The following FAM209B variants were observed in gnomAD, a reference collection of about 807,000 sequenced individuals.
The protein encoded by FAM209B is protein FAM209B.
In FAM209B, 8 loss-of-function variants were observed where a neutral mutation model predicts 8.9. That is an observed-to-expected ratio of 0.90 (90% confidence interval 0.53 to 1.62). The LOEUF (loss-of-function observed/expected upper bound fraction) is 1.62. Ranked by LOEUF, FAM209B falls within the 40% of genes most tolerant of loss-of-function variation. The probability of loss-of-function intolerance (pLI) is 0.00; values close to 1 mark genes in which losing one functional copy is unlikely to be tolerated. For missense variants in FAM209B, 175 were observed against 205.3 expected (o/e 0.85, Z 0.90); for synonymous variants, 67 against 75.0 (o/e 0.89, Z 0.55).
Position 56,536,403 on chromosome 20 carries a change from A to C in FAM209B, c.481A>C (p.Ile161Leu), listed in dbSNP as rs772553858. ...GCCTGCAGATCCATACCATGTCACA[A>C]TCTGTAAAATATGGGGAGAAGAAAG... ...EMPADPYHVT[I>L]CKIWGEESSS is the part of the protein sequence containing the mutation. Residue 161 changes from isoleucine (I) to leucine (L), a missense_variant, in exon 2 of 2, where the codon ATC (isoleucine) becomes CTC (leucine). Physicochemically the swap from Ile to Leu is conservative, Grantham distance 5. Transcript: ENST00000371325. The C allele has an allele frequency of 6.2e-7, 1 of 1,609,108 alleles. No homozygotes were observed. Among genetic ancestry groups the C allele is most frequent in the East Asian group, 2.2e-5 (1 of 44,802 alleles).
At chr20:56,536,137 A>C in intron 1 of FAM209B, 35 bp from the exon 2 acceptor site, 1 of 1,496,904 alleles carries the variant, frequency 6.7e-7, no homozygotes, top group Non-Finnish European at 8.9e-7. Flanking sequence ...AGCAAAGTCC[A>C]TGATATTATT....
intron 1 of FAM209B, among the ~76,000 whole-genome samples, chr20:56,534,305 G>T (rs1356813807): frequency 6.6e-6 from 1 of 151,964 alleles, no homozygotes; most frequent in East Asian, 1.9e-4. Context: ...AACAAAATAT[G>T]AAACTTCTGT....
rs765535517 is a variant in FAM209B at position 56,536,467 on chromosome 20, G to A, written c.*29G>A. 1 of 1,541,708 alleles carries A rather than the reference G, an allele frequency of 6.5e-7. No homozygotes were observed. Among genetic ancestry groups the A allele is most frequent in the Non-Finnish European group, 8.7e-7 (1 of 1,144,342 alleles). On this transcript the variant is annotated 3_prime_UTR_variant, in exon 2 of 2. Transcript: ENST00000371325. Reference sequence around the variant, plus strand: ...GATTTGTGTGTCAGGAGAGAAAAAAGTTGAGTGTTGACAAACTGTATGCAA... The same window carrying A: ...GATTTGTGTGTCAGGAGAGAAAAAAATTGAGTGTTGACAAACTGTATGCAA...
Position 56,533,431 on chromosome 20 carries a change from C to T in FAM209B, c.90C>T (p.Ser30=), listed in dbSNP as rs780571480. ...TCTCTTCTCTGAGACAGAAAACTAG[C>T]GAACCCCAGGGGAAGGTGCCGTGTG... is the stretch of plus-strand genomic sequence containing the variant. ...FMFSSLRQKT[S]EPQGKVPCGE... The change falls in exon 1 of 2, where the codon AGC becomes AGT. Residue 30 remains serine, a synonymous_variant. Coordinates refer to ENST00000371325, the MANE Select transcript of FAM209B (RefSeq NM_001013646.4). 14 of 1,613,506 alleles carry T rather than the reference C, an allele frequency of 8.7e-6. No individual in the cohort carries two copies. Among genetic ancestry groups the T allele is most frequent in the South Asian group, 2.2e-5 (2 of 91,032 alleles).
At chr20:56,535,079 A>G (rs3938420) in intron 1 of FAM209B, among the ~76,000 whole-genome samples, 101,515 of 150,288 alleles carry the variant, frequency 0.68, 35,788 homozygotes, top group African/African-American at 0.9. Flanking sequence ...GAAATTAGCC[A>G]GGTGTGGTGG....
chr20:56,536,415 T>A lies in FAM209B; in HGVS notation c.493T>A (p.Trp165Arg). The A allele has an allele frequency of 6.2e-7, 1 of 1,603,430 alleles. No individual in the cohort carries two copies. Among genetic ancestry groups the A allele is most frequent in the South Asian group, 1.1e-5 (1 of 88,822 alleles). ...ATACCATGTCACAATCTGTAAAATA[T>A]GGGGAGAAGAAAGCTCTAGCTGAAT... ...DPYHVTICKI[W>R]GEESSS The change falls in exon 2 of 2, where the codon TGG (tryptophan) becomes AGG (arginine). Residue 165 changes from tryptophan to arginine, a missense_variant. This residue lies in a region of FAM209B where 166 missense variants were observed against 174.5 expected (regional missense o/e 0.95). Coordinates refer to ENST00000371325, the MANE Select transcript of FAM209B (RefSeq NM_001013646.4).
At chr20:56,535,673 C>A (rs186833338) in intron 1 of FAM209B, among the ~76,000 whole-genome samples, 1 of 152,018 alleles carries the variant, frequency 6.6e-6, no homozygotes, top group Non-Finnish European at 1.5e-5. Flanking sequence ...CAGAGTGAAA[C>A]TGTGTCTCAA....
chr20:56,536,253 TG>T lies in FAM209B; in HGVS notation c.332del (p.Cys111LeufsTer6). ...TCAAAATGCTTCTCTTTACAAAGACTGTGTATTCAATACCTTAAACGAACTT... is the reference window on the plus strand; with the variant it reads ...TCAAAATGCTTCTCTTTACAAAGACTTGTATTCAATACCTTAAACGAACTT... The part of the protein sequence containing the change: ...KNQNASLYKD[C>X]VFNTLNELEV... On this transcript the variant is annotated frameshift_variant, in exon 2 of 2. Coordinates refer to ENST00000371325, the MANE Select transcript of FAM209B (RefSeq NM_001013646.4). LOFTEE classifies it low-confidence loss of function (END_TRUNC). 1.2e-6 allele frequency: 2 copies of T among 1,609,460 alleles called. No individual in the cohort carries two copies. The highest frequency in any genetic ancestry group is 1.7e-4 in the Middle Eastern group (1 of 6,038).
chr20:56,534,747 CAAAAAA>C (rs74181055), intron 1 of FAM209B, among the ~76,000 whole-genome samples: 2 of 32,382 alleles, frequency 6.2e-5, no homozygotes, highest in Non-Finnish European at 1.0e-4. Flanking sequence ...GACTCTGTCT[CAAAAAA>C]AAAAAAAAAA....
intron 1 of FAM209B, among the ~76,000 whole-genome samples, chr20:56,535,254 G>A (rs1985930759): frequency 6.6e-6 from 1 of 151,162 alleles, no homozygotes; most frequent in African/African-American, 2.4e-5. Context: ...TATGGTGGTG[G>A]GCACCTGTGG....
chr20:56,533,696 C>T (rs1441403190), intron 1 of FAM209B, 106 bp downstream of exon 1: 61 of 1,492,140 alleles, frequency 4.1e-5, no homozygotes, highest in African/African-American at 1.3e-4. Context: ...TATAATGAAC[C>T]GACCTCATGG....
rs538531492 is a variant in FAM209B at position 56,533,427 on chromosome 20, C to T, written c.86C>T (p.Thr29Ile). ...AFMFSSLRQK[T>I]SEPQGKVPCG... The stretch of plus-strand genomic sequence containing the variant: ...ATGTTCTCTTCTCTGAGACAGAAAA[C>T]TAGCGAACCCCAGGGGAAGGTGCCG... Residue 29 changes from threonine to isoleucine, a missense_variant, in exon 1 of 2, where the codon ACT (threonine) becomes ATT (isoleucine). This residue lies in a region of FAM209B where 166 missense variants were observed against 174.5 expected (regional missense o/e 0.95). Transcript: ENST00000371325. 12 of 1,613,832 alleles carry T rather than the reference C, an allele frequency of 7.4e-6. No homozygotes were observed. In the South Asian group the frequency reaches 9.9e-5, roughly 13 times the overall value.
intron 1 of FAM209B, 105 bp downstream of exon 1, chr20:56,533,695 C>G: frequency 6.7e-7 from 1 of 1,498,364 alleles, no homozygotes; most frequent in South Asian, 1.3e-5. Flanking sequence ...GTATAATGAA[C>G]CGACCTCATG....
At position 56,533,437 on chromosome 20, in the gene FAM209B, C is replaced by T. The variant is rs747215771; in HGVS notation, c.96C>T (p.Pro32=). The T allele has an allele frequency of 4.2e-5, 67 of 1,612,394 alleles. No homozygotes were observed. Among genetic ancestry groups the T allele is most frequent in the Non-Finnish European group, 5.3e-5 (62 of 1,178,536 alleles). Residue 32 remains proline (P), a synonymous_variant, in exon 1 of 2, where the codon CCC becomes CCT. Transcript: ENST00000371325. The stretch of plus-strand genomic sequence containing the variant: ...CTCTGAGACAGAAAACTAGCGAACC[C>T]CAGGGGAAGGTGCCGTGTGGAGAGC... ...FSSLRQKTSE[P]QGKVPCGEHF...
Position 56,533,592 on chromosome 20 carries a change from T to C in FAM209B, c.249+2T>C, listed in dbSNP as rs764801878. 1.9e-6 allele frequency: 3 copies of C among 1,613,502 alleles called. No homozygotes were observed. In the South Asian group the frequency reaches 3.3e-5, roughly 18 times the overall value. Reference sequence around the variant, plus strand: ...CAAAGAGACAGTGAGAAGAATAAGGTAAGGATGGCTCCATTTTTTTTACAC... The same window carrying C: ...CAAAGAGACAGTGAGAAGAATAAGGCAAGGATGGCTCCATTTTTTTTACAC... On this transcript the variant is annotated splice_donor_variant, in intron 1 of 1. Coordinates refer to ENST00000371325, the MANE Select transcript of FAM209B (RefSeq NM_001013646.4). LOFTEE classifies it high-confidence loss of function.
chr20:56,534,195 T>G (rs540978478), intron 1 of FAM209B, among the ~76,000 whole-genome samples: 38 of 152,308 alleles, frequency 2.5e-4, no homozygotes, highest in Non-Finnish European at 3.8e-4. Context: ...CAAAATTATA[T>G]TATTCACAGG....
In FAM209B at chr20:56,533,376, T is replaced by C. The variant is rs1600853871; in HGVS notation, c.35T>C (p.Leu12Pro). 2 of 1,614,184 alleles carry C rather than the reference T, an allele frequency of 1.2e-6. No individual in the cohort carries two copies. The highest frequency in any genetic ancestry group is 1.7e-6 in the Non-Finnish European group (2 of 1,180,016). ...CTGAAATCGTCCCTGGTCCTGCTTCTGTGCCTCACCTGCAGCTATGCCTTT... is the reference window on the plus strand; with the variant it reads ...CTGAAATCGTCCCTGGTCCTGCTTCCGTGCCTCACCTGCAGCTATGCCTTT... Reference protein sequence around the residue: ...WTLKSSLVLLLCLTCSYAFMF... With the variant: ...WTLKSSLVLLPCLTCSYAFMF... Residue 12 changes from leucine to proline, a missense_variant, in exon 1 of 2, where the codon CTG becomes CCG. Leu to Pro is a moderately conservative substitution (Grantham distance 98, BLOSUM62 -3). Transcript: ENST00000371325.
chr20:56,536,308 A>C lies in FAM209B; in HGVS notation c.386A>C (p.Glu129Ala), dbSNP rs2296129. Residue 129 changes from glutamate to alanine, a missense_variant, in exon 2 of 2, where the codon GAA becomes GCA. By Grantham distance (107) the Glu-to-Ala change is moderately radical. This residue lies in a region of FAM209B where 166 missense variants were observed against 174.5 expected (regional missense o/e 0.95). Coordinates refer to ENST00000371325, the MANE Select transcript of FAM209B (RefSeq NM_001013646.4). ...LEVELLKFVS[E>A]VQNLKGAMAT... ...GTGGAGCTTTTGAAATTTGTGTCCG[A>C]AGTGCAGAATCTTAAAGGTGCCATG... The C allele has an allele frequency of 0.018, 29,214 of 1,613,934 alleles. 5,112 individuals carry two copies. In the East Asian group the frequency reaches 0.46, roughly 26 times the overall value.
In FAM209B at chr20:56,536,445, T is replaced by A; in HGVS notation, c.*7T>A. 1 of 1,575,868 alleles carries A rather than the reference T, an allele frequency of 6.3e-7. No individual in the cohort carries two copies. The highest frequency in any genetic ancestry group is 8.6e-7 in the Non-Finnish European group (1 of 1,160,524). ...AGAAGAAAGCTCTAGCTGAATGGATTTGTGTGTCAGGAGAGAAAAAAGTTG... is the reference window on the plus strand; with the variant it reads ...AGAAGAAAGCTCTAGCTGAATGGATATGTGTGTCAGGAGAGAAAAAAGTTG... On this transcript the variant is annotated 3_prime_UTR_variant, in exon 2 of 2. Coordinates refer to ENST00000371325, the MANE Select transcript of FAM209B (RefSeq NM_001013646.4).
Sources: gnomAD v4.1 joint callset for allele counts (sites outside exome capture counted in the v4.1 genomes callset) on GRCh38, gnomAD v4.1.1 for gene constraint, gnomAD v4.1.1 regional missense constraint, MANE v1.5 for transcripts, NCBI Gene and HGNC (gene_info 2026-07-23, HGNC 2026-07-21) for gene names.